Variants in PCDHGB1 observed in about 807,000 individuals in gnomAD.
PCDHGB1 encodes protocadherin gamma subfamily B, 1, also known as protocadherin gamma-B1.
Under a neutral mutation model 56.6 loss-of-function variants are expected in PCDHGB1, and 34 were observed. That is an observed-to-expected ratio of 0.60 (90% CI 0.46 to 0.80). PCDHGB1 has a LOEUF of 0.80. Among genes scored for constraint, PCDHGB1 ranks in the 30% least tolerant of loss-of-function variants. The probability of loss-of-function intolerance (pLI) is 0.00; values close to 1 mark genes in which losing one functional copy is unlikely to be tolerated. For missense variants in PCDHGB1, 1,278 were observed against 1,204.6 expected (o/e 1.06, Z -0.90); for synonymous variants, 561 against 505.9 (o/e 1.11, Z -1.46).
In PCDHGB1 at chr5:141,351,683, C is replaced by G. The variant is rs373123826; in HGVS notation, c.1423C>G (p.Pro475Ala). The change falls in exon 1 of 4, where the codon CCG becomes GCG. Residue 475 changes from proline to alanine, a missense_variant. Transcript: ENST00000523390. ...CATTGCACAAGTAAGCGCCTCCGAC[C>G]CGGATTTGGGACCCAACGGCAGAGT... is the stretch of plus-strand genomic sequence containing the variant. The part of the protein sequence containing the change: ...ASIAQVSASD[P>A]DLGPNGRVSY... 1 of 1,614,002 alleles carries G rather than the reference C, an allele frequency of 6.2e-7. No homozygotes were observed. Among genetic ancestry groups the G allele is most frequent in the Non-Finnish European group, 8.5e-7 (1 of 1,179,910 alleles).
chr5:141,432,235 T>C lies in PCDHGB1; in HGVS notation c.2410-62572T>C, dbSNP rs1240828849. 1 of 1,614,102 alleles carries C rather than the reference T, an allele frequency of 6.2e-7. No individual in the cohort carries two copies. The highest frequency in any genetic ancestry group is 8.5e-7 in the Non-Finnish European group (1 of 1,180,050). ...ACGCCCAGATCACTTATTCCCTGGC[T>C]GAGAACACCATCCAAGGGGCAAGCC... On this transcript the variant is annotated intron_variant, in intron 1 of 3. Transcript: ENST00000523390. The surrounding 1 kb of genome is among the most constrained non-coding windows in gnomAD (Gnocchi z 6.0).
chr5:141,365,331 T>G, intron 1 of PCDHGB1: 1 of 1,613,960 alleles, frequency 6.2e-7, no homozygotes, highest in Non-Finnish European at 8.5e-7. Flanking sequence ...GCTAAGGTGG[T>G]GGTCACAGTA....
chr5:141,390,064 C>T, intron 1 of PCDHGB1: 1 of 1,614,060 alleles, frequency 6.2e-7, no homozygotes. Flanking sequence ...TGCTTCCAGC[C>T]TGGTCTCTGT....
At chr5:141,427,008 C>G (rs762510673) in intron 1 of PCDHGB1, 145 of 456,786 alleles carry the variant, frequency 3.2e-4, no homozygotes, top group African/African-American at 2.8e-3. Context: ...AGTTTTTAGC[C>G]AGGATGTATA....
chr5:141,448,983 T>G (rs1157371020), intron 1 of PCDHGB1, among the ~76,000 whole-genome samples: 1 of 152,004 alleles, frequency 6.6e-6, no homozygotes, highest in East Asian at 1.9e-4. Flanking sequence ...ACTTCCATAT[T>G]AATATATAGA....
intron 1 of PCDHGB1, chr5:141,384,406 TC>T: frequency 6.2e-7 from 1 of 1,613,908 alleles, no homozygotes; most frequent in Non-Finnish European, 8.5e-7. Flanking sequence ...TCCAGTGTCC[TC>T]CTATGTCTCC....
Position 141,495,452 on chromosome 5 carries a change from CTCTG to C in PCDHGB1, c.2468+593_2468+596del, listed in dbSNP as rs550877100. ...GTCCTCTGCCCCTACTTGTCCTGCTCTCTGTCTGTGGGGTCTCCGTGTCTCTGCC... is the reference window on the plus strand; with the variant it reads ...GTCCTCTGCCCCTACTTGTCCTGCTCTCTGTGGGGTCTCCGTGTCTCTGCC... On this transcript the variant is annotated intron_variant, in intron 2 of 3. Coordinates refer to ENST00000523390, the MANE Select transcript of PCDHGB1 (RefSeq NM_018922.3). 5.6e-4 allele frequency among the ~76,000 whole-genome samples: 85 copies of C among 152,356 alleles called. 1 individual carries two copies. Among genetic ancestry groups the C allele is most frequent in the Admixed American group, 3.5e-3 (53 of 15,310 alleles).
chr5:141,413,785 C>T (rs771027783), intron 1 of PCDHGB1: 1 of 1,613,186 alleles, frequency 6.2e-7, no homozygotes, highest in Non-Finnish European at 8.5e-7. Flanking sequence ...GGAGCACTCC[C>T]TAGATCGCGA....
Position 141,511,207 on chromosome 5 carries a change from T to A in PCDHGB1, c.*34T>A, listed in dbSNP as rs773761839. ...CCAGGCCAAGAGCCACAGGGCGGCC[T>A]CTCCCCAACCAGCCCAGCTTCTCCT... On this transcript the variant is annotated 3_prime_UTR_variant, in exon 4 of 4. Transcript: ENST00000523390. 1 of 1,611,162 alleles carries A rather than the reference T, an allele frequency of 6.2e-7. No individual in the cohort carries two copies. The highest frequency in any genetic ancestry group is 1.1e-5 in the South Asian group (1 of 90,702).
In PCDHGB1 at chr5:141,413,412, C is replaced by T. The variant is rs747352426; in HGVS notation, c.2409+60743C>T. ...TCTCCAGAGGTAGGACGCAGCTTTT[C>T]TCTCTGAACCCGCGCAGCGGCAGCT... On this transcript the variant is annotated intron_variant, in intron 1 of 3. Transcript: ENST00000523390. 5.6e-6 allele frequency: 9 copies of T among 1,613,954 alleles called. No individual in the cohort carries two copies. The African/African-American group carries it at 1.2e-4, about 22-fold the overall frequency.
intron 1 of PCDHGB1, chr5:141,361,498 A>G (rs1392644737): frequency 1.2e-6 from 2 of 1,613,948 alleles, no homozygotes; most frequent in Admixed American, 1.7e-5. Context: ...TTTCCAACAG[A>G]CTTCCTACAT....
Position 141,453,292 on chromosome 5 carries a change from T to A in PCDHGB1, c.2410-41515T>A, listed in dbSNP as rs141563552. The stretch of plus-strand genomic sequence containing the variant: ...CCATGACTGGCTAATTTTTTAATTA[T>A]TTATTTATTTATTTATTTATTTTAG... On this transcript the variant is annotated intron_variant, in intron 1 of 3. Transcript: ENST00000523390. Among the ~76,000 whole-genome samples, 253 of 151,810 alleles carry A rather than the reference T, an allele frequency of 1.7e-3. 1 individual carries two copies. The highest frequency in any genetic ancestry group is 2.6e-3 in the Non-Finnish European group (178 of 67,938).
At chr5:141,360,409 C>A (rs890064560) in intron 1 of PCDHGB1, 2 of 1,613,722 alleles carry the variant, frequency 1.2e-6, no homozygotes, top group Non-Finnish European at 1.7e-6. Context: ...CAGAATAGAC[C>A]GAGAACAGAT....
intron 1 of PCDHGB1, chr5:141,366,529 G>A (rs748780311): frequency 6.2e-6 from 10 of 1,614,120 alleles, no homozygotes; most frequent in Non-Finnish European, 4.2e-6. Flanking sequence ...GCAGGTTGGC[G>A]GGTGTGCCCG....
At chr5:141,383,770 A>T (rs776707003) in intron 1 of PCDHGB1, 11 of 1,613,890 alleles carry the variant, frequency 6.8e-6, no homozygotes, top group Non-Finnish European at 8.5e-6. Flanking sequence ...ACTTCCAAAG[A>T]TGTTTCATCT....
chr5:141,477,191 A>C lies in PCDHGB1; in HGVS notation c.2410-17616A>C. 1 of 1,614,210 alleles carries C rather than the reference A, an allele frequency of 6.2e-7. No individual in the cohort carries two copies. The highest frequency in any genetic ancestry group is 1.1e-5 in the South Asian group (1 of 91,086). ...GGAGATCACAGTCACCTCCGTGTAC[A>C]GCCCAGTACCCGAGGATGCCCCTCT... On this transcript the variant is annotated intron_variant, in intron 1 of 3. Coordinates refer to ENST00000523390, the MANE Select transcript of PCDHGB1 (RefSeq NM_018922.3). This position sits in a 1 kb window ranked among gnomAD's most constrained non-coding sequence, Gnocchi z 4.9.
rs1342408505 is a variant in PCDHGB1 at position 141,409,977 on chromosome 5, T to C, written c.2409+57308T>C. The C allele has an allele frequency of 1.2e-6, 2 of 1,613,300 alleles. No individual in the cohort carries two copies. Among genetic ancestry groups the C allele is most frequent in the African/African-American group, 2.7e-5 (2 of 75,026 alleles). ...CCCGGCTACCTAGTGACTAAGGTGGTAGCGGTGGACGCCGACTCGGGACAC... is the reference window on the plus strand; with the variant it reads ...CCCGGCTACCTAGTGACTAAGGTGGCAGCGGTGGACGCCGACTCGGGACAC... On this transcript the variant is annotated intron_variant, in intron 1 of 3. Transcript: ENST00000523390.
intron 1 of PCDHGB1, among the ~76,000 whole-genome samples, chr5:141,369,499 T>A (rs1052662878): frequency 5.3e-5 from 8 of 151,958 alleles, no homozygotes; most frequent in Non-Finnish European, 1.2e-4. Context: ...AAACCCCACC[T>A]CTATAGAAAA....
Position 141,375,861 on chromosome 5 carries a change from C to A in PCDHGB1, c.2409+23192C>A, listed in dbSNP as rs567912144. 1.5e-5 allele frequency: 24 copies of A among 1,613,986 alleles called. 2 individuals are homozygous for A. In the South Asian group the frequency reaches 2.0e-4, roughly 13 times the overall value. On this transcript the variant is annotated intron_variant, in intron 1 of 3. Coordinates refer to ENST00000523390, the MANE Select transcript of PCDHGB1 (RefSeq NM_018922.3). ...GGCTACCTGGTGACCAAGGTGGTGG[C>A]GGTGGACAGAGACTCGGGCCAGAAC...
Sources: gnomAD v4.1 joint callset for allele counts (sites outside exome capture counted in the v4.1 genomes callset) on GRCh38, gnomAD v4.1.1 for gene constraint, Gnocchi (gnomAD v3.1) non-coding constraint, MANE v1.5 for transcripts, NCBI Gene and HGNC (gene_info 2026-07-23, HGNC 2026-07-21) for gene names.